The following SPATS2L variants were observed in gnomAD, a reference collection of about 807,000 sequenced individuals.
SPATS2L encodes spermatogenesis associated serine rich 2 like.
In SPATS2L, 30 loss-of-function variants were observed where a neutral mutation model predicts 59.6. The observed-to-expected ratio is 0.50, with a 90% CI of 0.38 to 0.68. The LOEUF (loss-of-function observed/expected upper bound fraction) is 0.68. Among genes scored for constraint, SPATS2L ranks in the 30% least tolerant of loss-of-function variants. The pLI is 0.00. For synonymous variants in SPATS2L, 252 were observed against 263.5 expected, an observed-to-expected ratio of 0.96 and a Z score of 0.42; for missense variants, 615 against 700.0, an observed-to-expected ratio of 0.88 and a Z score of 1.37.
chr2:200,428,435 C>T (rs1160380511), intron 6 of SPATS2L, among the ~76,000 whole-genome samples: 1 of 152,176 alleles, frequency 6.6e-6, no homozygotes, highest in African/African-American at 2.4e-5. Context: ...CTCTCTGTTC[C>T]CTTTGGAGGT....
chr2:200,428,635 G>C (rs944029598), intron 6 of SPATS2L, among the ~76,000 whole-genome samples: 9 of 152,034 alleles, frequency 5.9e-5, no homozygotes, highest in African/African-American at 2.2e-4. Context: ...ACTCTTCTTT[G>C]ACTTTTTCAC....
intron 12 of SPATS2L, among the ~76,000 whole-genome samples, chr2:200,474,130 A>C: frequency 6.6e-6 from 1 of 151,880 alleles, no homozygotes; most frequent in Non-Finnish European, 1.5e-5. Context: ...GACTTTAAAA[A>C]TGGTGGTTTT....
At chr2:200,378,673 T>G (rs980102838) in intron 2 of SPATS2L, among the ~76,000 whole-genome samples, 2 of 152,206 alleles carry the variant, frequency 1.3e-5, no homozygotes, top group African/African-American at 4.8e-5. Flanking sequence ...TACTGTGAGT[T>G]TGTTGGAACA....
rs147574415 is a variant in SPATS2L, at chr2:200,402,673, A to G, written c.40-9638A>G. 2.0e-5 allele frequency among the ~76,000 whole-genome samples: 3 copies of G among 152,244 alleles called. No homozygotes were observed. The East Asian group carries it at 5.8e-4, about 29-fold the overall frequency. On this transcript the variant is annotated intron_variant, in intron 3 of 12. Coordinates refer to ENST00000409140, the MANE Select transcript of SPATS2L (RefSeq NM_001100423.2). ...TTGCCTTCCTAGACTATAAACCCCA[A>G]TGCATCTGTCACTGCTGCAGTCCAG...
intron 2 of SPATS2L, among the ~76,000 whole-genome samples, chr2:200,364,150 G>A (rs1195765886): frequency 6.6e-6 from 1 of 152,094 alleles, no homozygotes; most frequent in Non-Finnish European, 1.5e-5. Context: ...TCTAGAAAGG[G>A]CAAGGAAACA....
intron 1 of SPATS2L, among the ~76,000 whole-genome samples, chr2:200,324,969 G>T (rs2079685817): frequency 6.6e-6 from 1 of 152,006 alleles, no homozygotes; most frequent in Non-Finnish European, 1.5e-5. Context: ...AATATTTCTT[G>T]CTGTAGTCAA....
intron 6 of SPATS2L, among the ~76,000 whole-genome samples, chr2:200,436,106 G>A (rs766670070): frequency 6.6e-6 from 1 of 152,170 alleles, no homozygotes; most frequent in African/African-American, 2.4e-5. Flanking sequence ...AGGCTTATGT[G>A]TGAATCAGCC....
intron 2 of SPATS2L, among the ~76,000 whole-genome samples, chr2:200,339,183 A>G (rs1310201213): frequency 1.3e-5 from 2 of 152,224 alleles, no homozygotes; most frequent in African/African-American, 4.8e-5. Context: ...TAAATAAGAC[A>G]CTTGCCTCAT....
chr2:200,371,481 A>G (rs541845168), intron 2 of SPATS2L, among the ~76,000 whole-genome samples: 2 of 152,316 alleles, frequency 1.3e-5, no homozygotes, highest in South Asian at 2.1e-4. Context: ...TTTAGGATGC[A>G]TGGATCCCCA....
intron 2 of SPATS2L, among the ~76,000 whole-genome samples, chr2:200,340,784 G>A (rs2080298369): frequency 6.6e-6 from 1 of 152,102 alleles, no homozygotes; most frequent in Non-Finnish European, 1.5e-5. Flanking sequence ...CTTAAATCAT[G>A]TATAGTATTT....
Position 200,472,971 on chromosome 2 carries a change from C to T in SPATS2L, c.1200C>T (p.Gly400=), listed in dbSNP as rs752466152. The T allele has an allele frequency of 1.2e-6, 2 of 1,613,800 alleles. No homozygotes were observed. Among genetic ancestry groups the T allele is most frequent in the Non-Finnish European group, 1.7e-6 (2 of 1,179,886 alleles). ...CCACTCACAATAAGCCCTCTGAAGG[C>T]AAAGCGGCAAACCCCAAAATGGTGA... ...KSSTHNKPSE[G]KAANPKMVSS... is the part of the protein sequence containing the mutation. Residue 400 remains glycine (G), a synonymous_variant, in exon 12 of 13, where the codon GGC becomes GGT. Transcript: ENST00000409140.
chr2:200,457,251 CA>C (rs2085908864), intron 8 of SPATS2L, among the ~76,000 whole-genome samples: 1 of 151,830 alleles, frequency 6.6e-6, no homozygotes, highest in South Asian at 2.1e-4. Context: ...CACACACACA[CA>C]CACACACAGA....
chr2:200,467,513 C>G, intron 10 of SPATS2L, 114 bp downstream of exon 10: 1 of 708,854 alleles, frequency 1.4e-6, no homozygotes, highest in Non-Finnish European at 2.5e-6. Context: ...ACACCCAGCT[C>G]TCTTCCACAG....
chr2:200,410,296 T>A (rs2082832264), intron 3 of SPATS2L, among the ~76,000 whole-genome samples: 1 of 152,180 alleles, frequency 6.6e-6, no homozygotes, highest in Admixed American at 6.5e-5. Context: ...AGGCAAATAA[T>A]GTGTATTGTT....
At chr2:200,326,153 G>A (rs903332297) in intron 1 of SPATS2L, among the ~76,000 whole-genome samples, 1 of 152,160 alleles carries the variant, frequency 6.6e-6, no homozygotes, top group Non-Finnish European at 1.5e-5. Flanking sequence ...TAGAGATGGG[G>A]TCTTGGGCTC....
chr2:200,464,738 G>T (rs554072951), intron 9 of SPATS2L, among the ~76,000 whole-genome samples: 4 of 151,816 alleles, frequency 2.6e-5, no homozygotes, highest in African/African-American at 9.7e-5. Context: ...CTCAGCCTCC[G>T]AAAGTGCTAA....
chr2:200,453,970 G>C (rs189023962), intron 8 of SPATS2L, among the ~76,000 whole-genome samples: 19 of 152,084 alleles, frequency 1.2e-4, no homozygotes, highest in Admixed American at 3.9e-4. Context: ...TACTGCATGC[G>C]CCTCCTGCTG....
chr2:200,476,447 G>A (rs1393247963), intron 12 of SPATS2L, among the ~76,000 whole-genome samples: 7 of 152,204 alleles, frequency 4.6e-5, no homozygotes, highest in Non-Finnish European at 1.0e-4. Context: ...CTTCACTTAC[G>A]TAATTAGAAT....
rs1053786375 is a variant in SPATS2L, at chr2:200,392,699, A to G, written c.39+3416A>G. Among the ~76,000 whole-genome samples, 9 of 152,090 alleles carry G rather than the reference A, an allele frequency of 5.9e-5. No individual in the cohort carries two copies. The South Asian group carries it at 1.2e-3, about 21-fold the overall frequency. On this transcript the variant is annotated intron_variant, in intron 3 of 12. Coordinates refer to ENST00000409140, the MANE Select transcript of SPATS2L (RefSeq NM_001100423.2). The stretch of plus-strand genomic sequence containing the variant: ...TGGAACCTGTGGATATGGAGGGCCA[A>G]TTGTACTTGTGCTGGTATCTGAAGT...
Sources: gnomAD v4.1 joint callset for allele counts (sites outside exome capture counted in the v4.1 genomes callset) on GRCh38, gnomAD v4.1.1 for gene constraint, MANE v1.5 for transcripts, NCBI Gene and HGNC (gene_info 2026-07-23, HGNC 2026-07-21) for gene names.